The following SH3RF1 variants were observed in gnomAD, a reference collection of about 807,000 sequenced individuals.
SH3RF1 encodes E3 ubiquitin-protein ligase SH3RF1.
A neutral mutation model predicts 74.0 loss-of-function variants in SH3RF1; 32 were observed. The ratio of observed to expected loss-of-function variants is 0.43; its 90% confidence interval spans 0.33 to 0.58. The LOEUF (loss-of-function observed/expected upper bound fraction) is 0.58, where lower values mean the gene tolerates loss of function less well. Ranked by LOEUF, SH3RF1 falls within the 20% of genes least tolerant of loss-of-function variation. The probability of loss-of-function intolerance (pLI) is 0.05; values close to 1 mark genes in which losing one functional copy is unlikely to be tolerated. For missense variants in SH3RF1, 954 were observed against 1,130.9 expected (o/e 0.84, Z 2.24); for synonymous variants, 396 against 439.6 (o/e 0.90, Z 1.24).
rs192010078 is a variant in SH3RF1, at chr4:169,181,040, A to T, written c.394-24361T>A. Among the ~76,000 whole-genome samples the T allele has an allele frequency of 2.0e-5, 3 of 152,214 alleles. No individual in the cohort carries two copies. The East Asian group carries it at 5.8e-4, about 29-fold the overall frequency. On this transcript the variant is annotated intron_variant, in intron 2 of 11. Coordinates refer to ENST00000284637, the MANE Select transcript of SH3RF1 (RefSeq NM_020870.4). ...ATTCTTTTCTTAGTAAAATAGATGAAATCTGAAATGTAGCCTAACCCAGAC... is the reference window on the plus strand; with the variant it reads ...ATTCTTTTCTTAGTAAAATAGATGATATCTGAAATGTAGCCTAACCCAGAC...
intron 2 of SH3RF1, among the ~76,000 whole-genome samples, chr4:169,211,924 T>C (rs1011277284): frequency 2.6e-5 from 4 of 152,192 alleles, no homozygotes; most frequent in African/African-American, 9.7e-5. Context: ...CAAAAGTCAC[T>C]GTTACATGTT....
At chr4:169,097,733 T>G (rs1364243416) in intron 11 of SH3RF1, among the ~76,000 whole-genome samples, 1 of 152,218 alleles carries the variant, frequency 6.6e-6, no homozygotes, top group Non-Finnish European at 1.5e-5. Context: ...CACACTCTTG[T>G]GTAGTCTCCT....
intron 2 of SH3RF1, among the ~76,000 whole-genome samples, chr4:169,165,860 T>C (rs149276512): frequency 2.5e-3 from 385 of 152,010 alleles, no homozygotes; most frequent in African/African-American, 8.7e-3. Context: ...CTGAGAAAAA[T>C]AAAGTCTTTT....
intron 10 of SH3RF1, among the ~76,000 whole-genome samples, chr4:169,115,698 G>A (rs1733321209): frequency 1.3e-5 from 2 of 152,002 alleles, no homozygotes; most frequent in South Asian, 2.1e-4. Context: ...CCATTTCCCC[G>A]CCACCACCCC....
chr4:169,162,265 A>C (rs1392341102), intron 2 of SH3RF1, among the ~76,000 whole-genome samples: 1 of 152,242 alleles, frequency 6.6e-6, no homozygotes, highest in East Asian at 1.9e-4. Flanking sequence ...TATTTCATGA[A>C]AATATTGATT....
chr4:169,234,721 AT>A (rs1428367421), intron 2 of SH3RF1, among the ~76,000 whole-genome samples: 3 of 152,160 alleles, frequency 2.0e-5, no homozygotes, highest in African/African-American at 7.2e-5. Context: ...ATCAACCTGT[AT>A]TTTTTTGTAC....
chr4:169,257,239 G>T (rs1372071908), intron 2 of SH3RF1, among the ~76,000 whole-genome samples: 1 of 152,202 alleles, frequency 6.6e-6, no homozygotes, highest in Non-Finnish European at 1.5e-5. Context: ...TTCAGAGGAA[G>T]AAATTAATTC....
intron 6 of SH3RF1, among the ~76,000 whole-genome samples, chr4:169,128,508 C>G (rs1047991912): frequency 2.6e-5 from 4 of 152,162 alleles, no homozygotes; most frequent in Non-Finnish European, 5.9e-5. Context: ...CAAGAACATG[C>G]TTAACTCTAA....
At chr4:169,178,697 T>C (rs1016322650) in intron 2 of SH3RF1, among the ~76,000 whole-genome samples, 8 of 152,196 alleles carry the variant, frequency 5.3e-5, no homozygotes, top group South Asian at 4.1e-4. Context: ...CTCTCCTGAA[T>C]GTAAAACCAG....
At chr4:169,156,295 A>G in intron 3 of SH3RF1, 109 bp downstream of exon 3, 1 of 1,278,150 alleles carries the variant, frequency 7.8e-7, no homozygotes, top group Non-Finnish European at 1.1e-6. Flanking sequence ...TGAGTAGTTC[A>G]CACAAAACTT....
intron 2 of SH3RF1, among the ~76,000 whole-genome samples, chr4:169,171,186 G>A (rs1352112824): frequency 2.6e-5 from 4 of 152,150 alleles, no homozygotes; most frequent in South Asian, 4.1e-4. Context: ...CAAACACCAC[G>A]GTGTAACCAA....
At chr4:169,269,434 G>C (rs1731409123) in intron 1 of SH3RF1, 127 bp from the exon 2 acceptor site, 2 of 481,140 alleles carry the variant, frequency 4.2e-6, no homozygotes, top group Admixed American at 3.8e-5. Flanking sequence ...GTGTAGCTTT[G>C]CTTTGGAATG....
intron 10 of SH3RF1, among the ~76,000 whole-genome samples, chr4:169,108,784 T>C (rs947319594): frequency 6.6e-6 from 1 of 152,236 alleles, no homozygotes; most frequent in African/African-American, 2.4e-5. Flanking sequence ...CCTGCATAAG[T>C]GCAGTGGCAG....
At chr4:169,182,290 G>C (rs981182699) in intron 2 of SH3RF1, among the ~76,000 whole-genome samples, 35 of 152,120 alleles carry the variant, frequency 2.3e-4, no homozygotes, top group African/African-American at 8.2e-4. Flanking sequence ...ACTTTTATAT[G>C]CGAATCAGGT....
chr4:169,138,747 T>C (rs1328829715), intron 4 of SH3RF1, among the ~76,000 whole-genome samples: 4 of 152,198 alleles, frequency 2.6e-5, no homozygotes, highest in Non-Finnish European at 5.9e-5. Flanking sequence ...TGATCATACC[T>C]GGCTGGCCAA....
chr4:169,196,946 G>A (rs893993018), intron 2 of SH3RF1, among the ~76,000 whole-genome samples: 1 of 151,910 alleles, frequency 6.6e-6, no homozygotes, highest in East Asian at 1.9e-4. Context: ...AAAAAATAAT[G>A]AATAAAAAAG....
intron 2 of SH3RF1, among the ~76,000 whole-genome samples, chr4:169,245,951 C>A (rs974289835): frequency 6.6e-6 from 1 of 152,152 alleles, no homozygotes; most frequent in Non-Finnish European, 1.5e-5. Flanking sequence ...AACATCTATG[C>A]TCATTCACCT....
intron 2 of SH3RF1, among the ~76,000 whole-genome samples, chr4:169,182,868 G>A (rs1430580535): frequency 6.6e-6 from 1 of 152,122 alleles, no homozygotes; most frequent in Non-Finnish European, 1.5e-5. Flanking sequence ...AAAAAAAAAG[G>A]AGAAAGGTGG....
intron 4 of SH3RF1, among the ~76,000 whole-genome samples, chr4:169,150,909 G>A (rs1266324134): frequency 1.3e-5 from 2 of 152,018 alleles, no homozygotes; most frequent in Admixed American, 6.6e-5. Context: ...AAATAGCCTA[G>A]TTTTTAAAAA....
Sources: allele counts gnomAD v4.1 joint callset (sites outside exome capture counted in the v4.1 genomes callset), GRCh38; gene constraint gnomAD v4.1.1; transcripts MANE v1.5; gene names NCBI Gene and HGNC (gene_info 2026-07-23, HGNC 2026-07-21).